The following PIK3R2 variants were observed in gnomAD, a reference collection of about 807,000 sequenced individuals.
The protein encoded by PIK3R2 is phosphoinositide-3-kinase regulatory subunit 2, also known as phosphatidylinositol 3-kinase regulatory subunit beta.
A neutral mutation model predicts 78.5 loss-of-function variants in PIK3R2; 40 were observed. The observed-to-expected ratio is 0.51, with a 90% CI of 0.40 to 0.66. PIK3R2 has a LOEUF of 0.66. Ranked by LOEUF, PIK3R2 falls within the 30% of genes least tolerant of loss-of-function variation. The pLI is 0.00. For synonymous variants in PIK3R2, 473 were observed against 457.7 expected (o/e 1.03, Z -0.43); for missense variants, 880 against 1,026.6 (o/e 0.86, Z 1.95).
At position 18,156,274 on chromosome 19, in the gene PIK3R2, A is replaced by T; in HGVS notation, c.322+73A>T. The T allele has an allele frequency of 8.7e-7, 1 of 1,153,514 alleles. No individual in the cohort carries two copies. The highest frequency in any genetic ancestry group is 1.2e-6 in the Non-Finnish European group (1 of 848,246). 71.5% of individuals were successfully genotyped at this position (1,153,514 alleles called of 1,614,324 possible). ...CCTTGGTCTCCTCTTCTGTCCAGTG[A>T]GGCAATGGGATCTCCAAGGAAGGAG... On this transcript the variant is annotated intron_variant, in intron 2 of 15. Transcript: ENST00000222254. This position sits in a 1 kb window ranked among gnomAD's most constrained non-coding sequence, Gnocchi z 4.2.
Position 18,168,598 on chromosome 19 carries a change from A to G in PIK3R2, c.1808+52A>G, listed in dbSNP as rs1361128324. On this transcript the variant is annotated intron_variant, in intron 14 of 15. Coordinates refer to ENST00000222254, the MANE Select transcript of PIK3R2 (RefSeq NM_005027.4). The surrounding 1 kb of genome is among the most constrained non-coding windows in gnomAD (Gnocchi z 4.1). ...GGAGGGCTTCCCAGAGGAGGGGGCC[A>G]TTTGGGGTGGGTTTCGAAGAATGAG... 4 of 842,312 alleles carry G rather than the reference A, an allele frequency of 4.7e-6. No individual in the cohort carries two copies. The Admixed American group carries it at 5.3e-5, about 11-fold the overall frequency. 52.2% of individuals were successfully genotyped at this position (842,312 alleles called of 1,614,324 possible).
rs2043760444 is a variant in PIK3R2, at chr19:18,162,510, G to A, written c.1109+4G>A. On this transcript the variant is annotated splice_donor_region_variant and intron_variant, in intron 9 of 15. Coordinates refer to ENST00000222254, the MANE Select transcript of PIK3R2 (RefSeq NM_005027.4). ...GCGAGTACACGCTGACCCTCAGGTGGGGGCCTGTCCCTGCAAGGATAACCG... is the reference window on the plus strand; with the variant it reads ...GCGAGTACACGCTGACCCTCAGGTGAGGGCCTGTCCCTGCAAGGATAACCG... The A allele has an allele frequency of 6.2e-7, 1 of 1,611,822 alleles. No individual in the cohort carries two copies. Among genetic ancestry groups the A allele is most frequent in the Non-Finnish European group, 8.5e-7 (1 of 1,178,882 alleles).
In PIK3R2 at chr19:18,167,865, G is replaced by A. The variant is rs273272; in HGVS notation, c.1736+559G>A. On this transcript the variant is annotated intron_variant, in intron 13 of 15. Coordinates refer to ENST00000222254, the MANE Select transcript of PIK3R2 (RefSeq NM_005027.4). The surrounding 1 kb of genome is among the most constrained non-coding windows in gnomAD (Gnocchi z 4.5). ...GGCAACAGAGCAACACTCTGCCTCAGAAAAGAAAAGAAAAAAAAAATCGCC... is the reference window on the plus strand; with the variant it reads ...GGCAACAGAGCAACACTCTGCCTCAAAAAAGAAAAGAAAAAAAAAATCGCC... Among the ~76,000 whole-genome samples the A allele has an allele frequency of 0.92, 139,975 of 151,940 alleles. 64,586 individuals carry two copies. The highest frequency in any genetic ancestry group is 0.97 in the African/African-American group (40,232 of 41,450).
chr19:18,161,147 C>A lies in PIK3R2; in HGVS notation c.560C>A (p.Thr187Asn), dbSNP rs1234714431. ...FLLALPAPLV[T>N]PEASAEARRA... ...CTGGCACTGCCCGCGCCGCTCGTGA[C>A]CCCCGAGGCCTCGGCCGAGGCGCGC... is the stretch of plus-strand genomic sequence containing the variant. The change falls in exon 5 of 16, where the codon ACC (threonine) becomes AAC (asparagine). Residue 187 changes from threonine (T) to asparagine (N), a missense_variant. Thr to Asn is a moderately conservative substitution (Grantham distance 65). Around this residue, in one of 3 missense-constraint regions of PIK3R2, gnomAD observed 456 missense variants for 486.6 expected, o/e 0.94. Transcript: ENST00000222254. The surrounding 1 kb of genome is among the most constrained non-coding windows in gnomAD (Gnocchi z 5.3). The A allele has an allele frequency of 4.5e-6, 7 of 1,552,544 alleles. No homozygotes were observed. The highest frequency in any genetic ancestry group is 6.1e-6 in the Non-Finnish European group (7 of 1,148,782).
At chr19:18,160,831 G>A in intron 3 of PIK3R2, 88 bp from the exon 4 acceptor site, 1 of 1,475,096 alleles carries the variant, frequency 6.8e-7, no homozygotes, top group Non-Finnish European at 9.3e-7. Context: ...AGCAAAGGGA[G>A]ACTGCAGGGG....
In PIK3R2 at chr19:18,161,969, T is replaced by C; in HGVS notation, c.819T>C (p.Ser273=). 6.2e-7 allele frequency: 1 copy of C among 1,613,456 alleles called. No individual in the cohort carries two copies. The highest frequency in any genetic ancestry group is 8.5e-7 in the Non-Finnish European group (1 of 1,179,748). ...CCACACTCCCCTTCCCCCTAAGGAG[T>C]GAGCCCAGCCCTGACTTCCCGGCGC... The part of the protein sequence containing the change: ...SPPPGGAPDG[S]EPSPDFPALL... The change falls in exon 7 of 16, where the codon AGT becomes AGC. Residue 273 remains serine, a synonymous_variant. Coordinates refer to ENST00000222254, the MANE Select transcript of PIK3R2 (RefSeq NM_005027.4). The surrounding 1 kb of genome is among the most constrained non-coding windows in gnomAD (Gnocchi z 5.3).
At chr19:18,158,020 A>G (rs530571633) in intron 2 of PIK3R2, among the ~76,000 whole-genome samples, 2 of 152,312 alleles carry the variant, frequency 1.3e-5, no homozygotes, top group South Asian at 4.1e-4. Context: ...CAGCTTTTCC[A>G]AAAGGGGAGC....
intron 11 of PIK3R2, among the ~76,000 whole-genome samples, chr19:18,163,697 T>C (rs2043777335): frequency 6.6e-6 from 1 of 152,134 alleles, no homozygotes; most frequent in East Asian, 1.9e-4. Context: ...TGGTGCATGC[T>C]TCTACTCCCA....
chr19:18,155,966 C>T lies in PIK3R2; in HGVS notation c.87C>T (p.Asp29=), dbSNP rs771172565. The T allele has an allele frequency of 1.6e-5, 25 of 1,566,580 alleles. No homozygotes were observed. The highest frequency in any genetic ancestry group is 1.7e-4 in the Middle Eastern group (1 of 6,030). The change falls in exon 2 of 16, where the codon GAC becomes GAT. Residue 29 remains aspartate (D), a synonymous_variant. Transcript: ENST00000222254. ...RPEDLELLPG[D]VLVVSRAALQ... is the part of the protein sequence containing the mutation. ...AGGACCTGGAGCTGCTGCCCGGCGA[C>T]GTGCTGGTAGTGAGCCGGGCGGCCT...
In PIK3R2 at chr19:18,156,127, TGGCCC is replaced by T. The variant is rs778790424; in HGVS notation, c.259_263del (p.Gly87SerfsTer14). ...GTGGAGTTCCTGGGGCCCGTGGCCC[TGGCCC>T]GGCCCGGCCCTCGCCCACGGGGCCC... On this transcript the variant is annotated frameshift_variant, in exon 2 of 16. Transcript: ENST00000222254. LOFTEE classifies it high-confidence loss of function. This position sits in a 1 kb window ranked among gnomAD's most constrained non-coding sequence, Gnocchi z 4.2. The T allele has an allele frequency of 1.7e-5, 26 of 1,521,340 alleles. No homozygotes were observed. The highest frequency in any genetic ancestry group is 2.8e-5 in the African/African-American group (2 of 70,230). The allele number at this position is 1,521,340 out of a possible 1,614,324, so 94.2% of individuals were successfully genotyped here.
intron 1 of PIK3R2, among the ~76,000 whole-genome samples, 180 bp downstream of exon 1, chr19:18,153,474 G>T (rs181304966): frequency 2.0e-5 from 3 of 152,326 alleles, no homozygotes; most frequent in Non-Finnish European, 4.4e-5. Flanking sequence ...CCGCAGCGGT[G>T]CAGCCTCCTT....
At chr19:18,166,349 C>G (rs770440495) in intron 12 of PIK3R2, 47 bp downstream of exon 12, 2 of 1,511,484 alleles carry the variant, frequency 1.3e-6, no homozygotes, top group South Asian at 2.3e-5. Context: ...TGATCTGGTG[C>G]AGTACAAGCC....
chr19:18,157,547 TG>T (rs1205827247), intron 2 of PIK3R2, among the ~76,000 whole-genome samples: 1 of 152,182 alleles, frequency 6.6e-6, no homozygotes, highest in Admixed American at 6.5e-5. Flanking sequence ...CCCACCTGGC[TG>T]TGCACCCACG....
intron 10 of PIK3R2, 41 bp from the exon 11 acceptor site, chr19:18,163,222 C>T (rs1175002514): frequency 6.2e-7 from 1 of 1,614,016 alleles, no homozygotes; most frequent in Admixed American, 1.7e-5. Flanking sequence ...GTAGACCCGA[C>T]CAGGCTATGC....
chr19:18,166,432 C>T, intron 12 of PIK3R2, 130 bp downstream of exon 12: 2 of 748,404 alleles, frequency 2.7e-6, no homozygotes, highest in East Asian at 2.7e-5. Context: ...GACTTTGGGC[C>T]TGGTGCGATG....
Position 18,167,352 on chromosome 19 carries a change from G to T in PIK3R2, c.1736+46G>T. The stretch of plus-strand genomic sequence containing the variant: ...TCCCTGCGGCTCCCTGGCGACTGCT[G>T]CGGCACATGGAGATCTCTCTAGGAG... On this transcript the variant is annotated intron_variant, in intron 13 of 15. Coordinates refer to ENST00000222254, the MANE Select transcript of PIK3R2 (RefSeq NM_005027.4). This position sits in a 1 kb window ranked among gnomAD's most constrained non-coding sequence, Gnocchi z 4.5. The T allele has an allele frequency of 6.8e-7, 1 of 1,472,082 alleles. No individual in the cohort carries two copies. Among genetic ancestry groups the T allele is most frequent in the Non-Finnish European group, 9.2e-7 (1 of 1,091,680 alleles). The allele number at this position is 1,472,082 out of a possible 1,614,324, so 91.2% of individuals were successfully genotyped here.
rs1473344656 is a variant in PIK3R2 at position 18,156,670 on chromosome 19, C to T, written c.322+469C>T. Among the ~76,000 whole-genome samples the T allele has an allele frequency of 1.3e-5, 2 of 152,190 alleles. No homozygotes were observed. The highest frequency in any genetic ancestry group is 2.9e-5 in the Non-Finnish European group (2 of 68,036). On this transcript the variant is annotated intron_variant, in intron 2 of 15. Coordinates refer to ENST00000222254, the MANE Select transcript of PIK3R2 (RefSeq NM_005027.4). This position sits in a 1 kb window ranked among gnomAD's most constrained non-coding sequence, Gnocchi z 4.2. Reference sequence around the variant, plus strand: ...CAGCCTAGCTTCATCCTGCCTTTTGCAGACAGGGTCCCTTGAAGAACCCCT... The same window carrying T: ...CAGCCTAGCTTCATCCTGCCTTTTGTAGACAGGGTCCCTTGAAGAACCCCT...
chr19:18,156,316 T>A lies in PIK3R2; in HGVS notation c.322+115T>A, dbSNP rs1249684401. On this transcript the variant is annotated intron_variant, in intron 2 of 15. Transcript: ENST00000222254. The surrounding 1 kb of genome is among the most constrained non-coding windows in gnomAD (Gnocchi z 4.2). ...AGGAAGGAGGAAAAAGGACATTTGG[T>A]CATTTGACAAGTGTCTTCAGTGCTA... 3.6e-6 allele frequency: 3 copies of A among 835,112 alleles called. No individual in the cohort carries two copies. Among genetic ancestry groups the A allele is most frequent in the Non-Finnish European group, 5.2e-6 (3 of 575,730 alleles). 51.7% of individuals were successfully genotyped at this position (835,112 alleles called of 1,614,324 possible).
Position 18,163,263 on chromosome 19 carries a change from G to A in PIK3R2, c.1291G>A (p.Asp431Asn). ...LLYPVSKYQQDQIVKEDSVEA... is the reference protein window; with the variant it reads ...LLYPVSKYQQNQIVKEDSVEA... ...CCCTCATTCCGCCACGTATCTCCAG[G>A]ACCAGATTGTCAAGGAGGACAGCGT... Residue 431 changes from aspartate (D) to asparagine (N), a missense_variant and splice_region_variant, in exon 11 of 16, where the codon GAC becomes AAC. By Grantham distance (23) the Asp-to-Asn change is conservative. This residue lies in a region of PIK3R2 where 156 missense variants were observed against 241.0 expected (regional missense o/e 0.65). Transcript: ENST00000222254. 1.2e-6 allele frequency: 2 copies of A among 1,614,070 alleles called. No individual in the cohort carries two copies. The highest frequency in any genetic ancestry group is 1.7e-6 in the Non-Finnish European group (2 of 1,180,008).
Sources: allele counts gnomAD v4.1 joint callset (sites outside exome capture counted in the v4.1 genomes callset), GRCh38; gene constraint gnomAD v4.1.1; regional missense constraint gnomAD v4.1.1; non-coding constraint Gnocchi (gnomAD v3.1); transcripts MANE v1.5; gene names NCBI Gene and HGNC (gene_info 2026-07-23, HGNC 2026-07-21).